The following CD2 variants were observed in gnomAD, a reference collection of about 807,000 sequenced individuals.
The protein encoded by CD2 is T-cell surface antigen CD2.
A neutral mutation model predicts 23.2 loss-of-function variants in CD2; 18 were observed. That is an observed-to-expected ratio of 0.77 (90% CI 0.54 to 1.15). The LOEUF (loss-of-function observed/expected upper bound fraction) is 1.15, where lower values mean the gene tolerates loss of function less well. CD2 is among the 50% of genes most tolerant of loss of function. The pLI is 0.00. For synonymous variants in CD2, 162 were observed against 151.9 expected (o/e 1.07, Z -0.49); for missense variants, 424 against 423.1 (o/e 1.00, Z -0.02).
chr1:116,764,458 C>A (rs894719108), intron 3 of CD2, 26 bp from the exon 4 acceptor site: 2 of 1,611,260 alleles, frequency 1.2e-6, no homozygotes, highest in Non-Finnish European at 1.7e-6. Flanking sequence ...CCCCTCCCAG[C>A]CATCCCACTT....
Position 116,760,446 on chromosome 1 carries a change from A to G in CD2, c.427A>G (p.Thr143Ala), listed in dbSNP as rs1466722361. The G allele has an allele frequency of 6.2e-7, 1 of 1,614,174 alleles. No homozygotes were observed. Among genetic ancestry groups the G allele is most frequent in the Admixed American group, 1.7e-5 (1 of 60,028 alleles). ...PKISWTCINT[T>A]LTCEVMNGTD... ...GATCTCCTGGACTTGTATCAACACA[A>G]CCCTGACCTGTGAGGTAATGAATGG... Residue 143 changes from threonine to alanine, a missense_variant, in exon 3 of 5, where the codon ACC becomes GCC. Thr to Ala is a moderately conservative substitution (Grantham distance 58, BLOSUM62 0). Coordinates refer to ENST00000369478, the MANE Select transcript of CD2 (RefSeq NM_001767.5).
At chr1:116,764,843 T>C (rs1652167244) in intron 4 of CD2, among the ~76,000 whole-genome samples, 1 of 152,190 alleles carries the variant, frequency 6.6e-6, no homozygotes, top group South Asian at 2.1e-4. Context: ...GTTGGCCTCA[T>C]TGGAATCCAC....
Position 116,765,296 on chromosome 1 carries a change from G to A in CD2, c.736+690G>A, listed in dbSNP as rs182611474. 6.6e-5 allele frequency among the ~76,000 whole-genome samples: 10 copies of A among 152,284 alleles called. No individual in the cohort carries two copies. In the East Asian group the frequency reaches 9.7e-4, roughly 15 times the overall value. On this transcript the variant is annotated intron_variant, in intron 4 of 4. Transcript: ENST00000369478. ...ACAGATGAGGGTGTCAGCCATTGGC[G>A]GGACTTGCAGCCAAGGGAACAGGCC... is the stretch of plus-strand genomic sequence containing the variant.
In CD2 at chr1:116,768,760, T is replaced by C. The variant is rs1372215373; in HGVS notation, c.1033T>C (p.Ser345Pro). The C allele has an allele frequency of 2.5e-6, 4 of 1,612,148 alleles. No individual in the cohort carries two copies. The African/African-American group carries it at 5.4e-5, about 22-fold the overall frequency. Residue 345 changes from serine (S) to proline (P), a missense_variant, in exon 5 of 5, where the codon TCA becomes CCA. Coordinates refer to ENST00000369478, the MANE Select transcript of CD2 (RefSeq NM_001767.5). ...ACCTCCCCATGGGGCAGCAGAAAAC[T>C]CATTGTCCCCTTCCTCTAATTAAAA... Reference protein sequence around the residue: ...PKPPHGAAENSLSPSSN With the variant: ...PKPPHGAAENPLSPSSN
At chr1:116,758,231 G>A (rs1054400178) in intron 2 of CD2, among the ~76,000 whole-genome samples, 7 of 152,070 alleles carry the variant, frequency 4.6e-5, no homozygotes, top group African/African-American at 1.7e-4. Flanking sequence ...AATGATTGGA[G>A]TTGAAAGCCC....
rs759864783 is a variant in CD2 at position 116,768,600 on chromosome 1, G to A, written c.873G>A (p.Gln291=). The part of the protein sequence containing the change: ...HPPPPPGHRS[Q]APSHRPPPPG... ...CTCCACCACCTGGTCATCGTTCCCAGGCACCTAGTCATCGTCCCCCGCCTC... is the reference window on the plus strand; with the variant it reads ...CTCCACCACCTGGTCATCGTTCCCAAGCACCTAGTCATCGTCCCCCGCCTC... The change falls in exon 5 of 5, where the codon CAG becomes CAA. Residue 291 remains glutamine (Q), a synonymous_variant. Transcript: ENST00000369478. 5 of 1,614,058 alleles carry A rather than the reference G, an allele frequency of 3.1e-6. No homozygotes were observed. Among genetic ancestry groups the A allele is most frequent in the African/African-American group, 1.3e-5 (1 of 74,980 alleles).
At chr1:116,764,439 C>T (rs372276012) in intron 3 of CD2, 45 bp from the exon 4 acceptor site, 79 of 1,601,474 alleles carry the variant, frequency 4.9e-5, no homozygotes, top group Non-Finnish European at 6.6e-5. Context: ...AATGGGCTCT[C>T]TGCCTGGACC....
At chr1:116,767,612 G>T (rs1318998032) in intron 4 of CD2, among the ~76,000 whole-genome samples, 8 of 151,280 alleles carry the variant, frequency 5.3e-5, no homozygotes, top group Non-Finnish European at 1.0e-4. Context: ...AAAAAAAGAG[G>T]TAATTATTTC....
intron 2 of CD2, among the ~76,000 whole-genome samples, chr1:116,758,750 A>G (rs1463114474): frequency 6.6e-6 from 1 of 152,160 alleles, no homozygotes; most frequent in Non-Finnish European, 1.5e-5. Context: ...AATAATGGCT[A>G]CCAGTTAGGG....
At chr1:116,765,716 T>C (rs1652197298) in intron 4 of CD2, among the ~76,000 whole-genome samples, 1 of 152,202 alleles carries the variant, frequency 6.6e-6, no homozygotes. Flanking sequence ...CTCTGGCTGT[T>C]CTCCATGCTC....
In CD2 at chr1:116,764,640, C is replaced by G. The variant is rs1457474737; in HGVS notation, c.736+34C>G. 3.3e-6 allele frequency: 5 copies of G among 1,527,818 alleles called. No individual in the cohort carries two copies. In the South Asian group the frequency reaches 4.5e-5, roughly 14 times the overall value. The allele number at this position is 1,527,818 out of a possible 1,614,324, so 94.6% of individuals were successfully genotyped here. A position where few individuals can be genotyped will look rare whatever the true frequency, so the allele number is the denominator to read the frequency against. Reference sequence around the variant, plus strand: ...CCCCTCTTTTGTCCCACCGCAGGCCCCAGCAAAATCCCCATGAAACAGCTC... The same window carrying G: ...CCCCTCTTTTGTCCCACCGCAGGCCGCAGCAAAATCCCCATGAAACAGCTC... On this transcript the variant is annotated intron_variant, in intron 4 of 4. Coordinates refer to ENST00000369478, the MANE Select transcript of CD2 (RefSeq NM_001767.5).
intron 2 of CD2, among the ~76,000 whole-genome samples, chr1:116,757,193 C>T (rs1051612326): frequency 2.0e-5 from 3 of 151,962 alleles, no homozygotes; most frequent in African/African-American, 2.4e-5. Context: ...GACGGGGTTT[C>T]GCCATGTTGG....
At chr1:116,765,301 T>G (rs1194811234) in intron 4 of CD2, among the ~76,000 whole-genome samples, 1 of 152,166 alleles carries the variant, frequency 6.6e-6, no homozygotes, top group Non-Finnish European at 1.5e-5. Context: ...TTGGCGGGAC[T>G]TGCAGCCAAG....
rs1652293611 is a variant in CD2 at position 116,768,616 on chromosome 1, C to T, written c.889C>T (p.Pro297Ser). ...GHRSQAPSHR[P>S]PPPGHRVQHQ... is the part of the protein sequence containing the mutation. ...TCGTTCCCAGGCACCTAGTCATCGT[C>T]CCCCGCCTCCTGGACACCGTGTTCA... Residue 297 changes from proline to serine, a missense_variant, in exon 5 of 5, where the codon CCC (proline) becomes TCC (serine). Physicochemically the swap from Pro to Ser is moderately conservative, Grantham distance 74. Coordinates refer to ENST00000369478, the MANE Select transcript of CD2 (RefSeq NM_001767.5). 6.2e-7 allele frequency: 1 copy of T among 1,614,062 alleles called. No homozygotes were observed. The highest frequency in any genetic ancestry group is 1.1e-5 in the South Asian group (1 of 91,074).
intron 4 of CD2, among the ~76,000 whole-genome samples, chr1:116,765,036 C>G (rs1443424198): frequency 6.6e-6 from 1 of 152,202 alleles, no homozygotes; most frequent in East Asian, 1.9e-4. Flanking sequence ...TTCAGGTCAT[C>G]AGGTAGTCAC....
Position 116,769,029 on chromosome 1 carries a change from T to G in CD2, c.*246T>G. Reference sequence around the variant, plus strand: ...AATATAAGTGTGATTGCAAGAATGGTAGAGGACCGAGCACAGAAATCTTAG... The same window carrying G: ...AATATAAGTGTGATTGCAAGAATGGGAGAGGACCGAGCACAGAAATCTTAG... On this transcript the variant is annotated 3_prime_UTR_variant, in exon 5 of 5. Coordinates refer to ENST00000369478, the MANE Select transcript of CD2 (RefSeq NM_001767.5). 2.1e-6 allele frequency: 1 copy of G among 484,220 alleles called. No individual in the cohort carries two copies. Among genetic ancestry groups the G allele is most frequent in the Non-Finnish European group, 3.6e-6 (1 of 274,228 alleles). 30.0% of individuals were successfully genotyped at this position (484,220 alleles called of 1,614,324 possible).
chr1:116,768,272 T>C (rs1652276896), intron 4 of CD2, among the ~76,000 whole-genome samples, 192 bp from the exon 5 acceptor site: 1 of 152,186 alleles, frequency 6.6e-6, no homozygotes, highest in African/African-American at 2.4e-5. Flanking sequence ...GTCCTAGGCT[T>C]TCACTCTACC....
chr1:116,764,047 C>T (rs181444274), intron 3 of CD2, among the ~76,000 whole-genome samples: 5 of 151,992 alleles, frequency 3.3e-5, no homozygotes, highest in Admixed American at 2.0e-4. Flanking sequence ...GCAGAAACAC[C>T]GAGACAAGGG....
chr1:116,758,535 G>T (rs1651934956), intron 2 of CD2, among the ~76,000 whole-genome samples: 2 of 152,194 alleles, frequency 1.3e-5, no homozygotes, highest in African/African-American at 4.8e-5. Context: ...CCCTAGTCCT[G>T]CAACCTTGAG....
Sources: gnomAD v4.1 joint callset for allele counts (sites outside exome capture counted in the v4.1 genomes callset) on GRCh38, gnomAD v4.1.1 for gene constraint, MANE v1.5 for transcripts, NCBI Gene and HGNC (gene_info 2026-07-23, HGNC 2026-07-21) for gene names.